Variants in DNAAF11 observed in about 807,000 individuals in gnomAD.
DNAAF11 encodes dynein axonemal assembly factor 11.
A neutral mutation model predicts 60.8 loss-of-function variants in DNAAF11; 45 were observed. That is an observed-to-expected ratio of 0.74 (90% CI 0.58 to 0.95). The LOEUF (loss-of-function observed/expected upper bound fraction) is 0.95, where lower values mean the gene tolerates loss of function less well. DNAAF11 is among the 40% of genes least tolerant of loss of function. The pLI is 0.00. For missense variants in DNAAF11, 546 were observed against 546.2 expected (o/e 1.00, Z 0.00); for synonymous variants, 191 against 183.5 (o/e 1.04, Z -0.33).
chr8:132,591,250 A>G (rs1486552821), intron 10 of DNAAF11, among the ~76,000 whole-genome samples: 1 of 152,064 alleles, frequency 6.6e-6, no homozygotes, highest in Non-Finnish European at 1.5e-5. Flanking sequence ...AAACTAAAAA[A>G]CTTTTTTTTT....
upstream of DNAAF11, among the ~76,000 whole-genome samples, chr8:132,676,203 T>C (rs1429902673): frequency 6.6e-6 from 1 of 152,078 alleles, no homozygotes. Context: ...CTCTCTTAAT[T>C]GTAAAATGTA....
chr8:132,652,628 C>T (rs759118292), intron 3 of DNAAF11, among the ~76,000 whole-genome samples: 44 of 152,254 alleles, frequency 2.9e-4, no homozygotes, highest in Non-Finnish European at 5.3e-4. Context: ...AGGGTGAGTT[C>T]ATGTCCTTTG....
chr8:132,610,157 A>G lies in DNAAF11; in HGVS notation c.1140+9T>C. On this transcript the variant is annotated intron_variant, in intron 10 of 11. Transcript: ENST00000620350. ...CAGACTTGAAATTGACCCAAATGAC[A>G]TGACCTACCTTGGGCATGCAGATGA... The G allele has an allele frequency of 6.2e-7, 1 of 1,607,836 alleles. No homozygotes were observed. The highest frequency in any genetic ancestry group is 8.5e-7 in the Non-Finnish European group (1 of 1,174,360).
chr8:132,670,639 A>G (rs1340412628), intron 1 of DNAAF11, among the ~76,000 whole-genome samples: 1 of 152,144 alleles, frequency 6.6e-6, no homozygotes, highest in Non-Finnish European at 1.5e-5. Flanking sequence ...ATTACAACCA[A>G]TCAAATGCAT....
At chr8:132,663,216 C>G (rs1348037883) in intron 1 of DNAAF11, among the ~76,000 whole-genome samples, 5 of 152,212 alleles carry the variant, frequency 3.3e-5, no homozygotes, top group Non-Finnish European at 7.3e-5. Context: ...CAGCACCATT[C>G]AGCTGTCCCT....
the DNAAF11 span, chr8:132,687,550 T>C: frequency 2.0e-5 from 9 of 454,770 alleles, no homozygotes; most frequent in East Asian, 7.0e-5. Flanking sequence ...GGTTCCGTCA[T>C]CAGAAGGCGG....
At chr8:132,695,022 T>C in the DNAAF11 span, among the ~76,000 whole-genome samples, 3 of 152,210 alleles carry the variant, frequency 2.0e-5, no homozygotes, top group Admixed American at 6.5e-5. Context: ...TTACTTCAAA[T>C]ACTGCTAGGT....
At chr8:132,601,701 T>C (rs571031440) in intron 10 of DNAAF11, among the ~76,000 whole-genome samples, 1 of 151,986 alleles carries the variant, frequency 6.6e-6, no homozygotes, top group South Asian at 2.1e-4. Flanking sequence ...ATGTTCTCAC[T>C]CATAGGTGGG....
chr8:132,639,220 TAAG>T (rs1821616354), intron 3 of DNAAF11, among the ~76,000 whole-genome samples: 1 of 152,190 alleles, frequency 6.6e-6, no homozygotes, highest in Non-Finnish European at 1.5e-5. Flanking sequence ...TTCTATGAGC[TAAG>T]AAGAGTTGAC....
chr8:132,692,323 T>C, the DNAAF11 span, among the ~76,000 whole-genome samples: 1 of 152,152 alleles, frequency 6.6e-6, no homozygotes, highest in East Asian at 1.9e-4. Flanking sequence ...AAACAATTTG[T>C]ATCATAAATA....
the DNAAF11 span, among the ~76,000 whole-genome samples, chr8:132,690,367 C>T: frequency 6.6e-6 from 1 of 152,150 alleles, no homozygotes; most frequent in South Asian, 2.1e-4. Flanking sequence ...CTTCACTCTT[C>T]TCTCTCCTGC....
chr8:132,610,986 C>A (rs554308797), intron 9 of DNAAF11, among the ~76,000 whole-genome samples: 1 of 152,266 alleles, frequency 6.6e-6, no homozygotes, highest in Non-Finnish European at 1.5e-5. Context: ...CCTCCGCCTC[C>A]CAGGTTCAAG....
At chr8:132,621,564 T>A (rs1819767297) in intron 7 of DNAAF11, among the ~76,000 whole-genome samples, 1 of 151,662 alleles carries the variant, frequency 6.6e-6, no homozygotes, top group South Asian at 2.1e-4. Context: ...GTTCCGAGAG[T>A]CTCCCTTGAG....
chr8:132,638,198 G>A, intron 3 of DNAAF11, 91 bp from the exon 4 acceptor site: 3 of 946,592 alleles, frequency 3.2e-6, no homozygotes, highest in Admixed American at 2.0e-5. Context: ...AGAAGTAACA[G>A]TTGTAGTATT....
chr8:132,581,991 A>G (rs1020182207), intron 11 of DNAAF11, among the ~76,000 whole-genome samples: 1 of 152,106 alleles, frequency 6.6e-6, no homozygotes, highest in African/African-American at 2.4e-5. Flanking sequence ...CTCCCCCTCC[A>G]TTCACTTTCT....
At chr8:132,654,751 A>G (rs1388129972) in intron 3 of DNAAF11, among the ~76,000 whole-genome samples, 3 of 151,972 alleles carry the variant, frequency 2.0e-5, no homozygotes, top group Non-Finnish European at 4.4e-5. Context: ...AAAGCACAAC[A>G]TATCAAAACT....
intron 1 of DNAAF11, among the ~76,000 whole-genome samples, chr8:132,671,692 A>T (rs1417540555): frequency 6.6e-6 from 1 of 152,184 alleles, no homozygotes. Context: ...TAAATCAATG[A>T]ATCAGAAAAG....
intron 3 of DNAAF11, among the ~76,000 whole-genome samples, chr8:132,653,296 C>A (rs920145911): frequency 1.3e-5 from 2 of 152,058 alleles, no homozygotes; most frequent in African/African-American, 4.8e-5. Flanking sequence ...TCTGGGAAAA[C>A]TCTCCTTCAA....
intron 1 of DNAAF11, among the ~76,000 whole-genome samples, chr8:132,664,054 T>G (rs1317220172): frequency 1.3e-5 from 2 of 152,156 alleles, no homozygotes; most frequent in Non-Finnish European, 2.9e-5. Flanking sequence ...AGCCCTCAGG[T>G]TGTTAGGAAA....
Sources: allele counts gnomAD v4.1 joint callset (sites outside exome capture counted in the v4.1 genomes callset), GRCh38; gene constraint gnomAD v4.1.1; transcripts MANE v1.5; gene names NCBI Gene and HGNC (gene_info 2026-07-23, HGNC 2026-07-21).